The following ULK4 variants were observed in gnomAD, a reference collection of about 807,000 sequenced individuals.
ULK4 encodes the protein inactive serine/threonine-protein kinase ULK4.
ULK4 carries 133 observed loss-of-function variants against 160.6 expected under a neutral mutation model. That is an observed-to-expected ratio of 0.83 (90% CI 0.72 to 0.96). The LOEUF (loss-of-function observed/expected upper bound fraction) is 0.96. ULK4 is among the 40% of genes least tolerant of loss of function. The pLI is 0.00. For missense variants in ULK4, 1,580 were observed against 1,499.5 expected (o/e 1.05, Z -0.89); for synonymous variants, 534 against 539.8 (o/e 0.99, Z 0.15).
chr3:41,896,798 A>G (rs769294894), intron 15 of ULK4, 24 bp downstream of exon 15: 5 of 1,593,182 alleles, frequency 3.1e-6, no homozygotes, highest in Non-Finnish European at 4.3e-6. Flanking sequence ...ATTAAAATGC[A>G]TAAGGCATGT....
chr3:41,741,961 C>A (rs867655943), intron 22 of ULK4, among the ~76,000 whole-genome samples: 2 of 151,766 alleles, frequency 1.3e-5, no homozygotes, highest in Non-Finnish European at 2.9e-5. Flanking sequence ...AGAACTGTCC[C>A]CCCAAAAAAG....
chr3:41,297,018 A>G (rs1387909560), intron 35 of ULK4, among the ~76,000 whole-genome samples: 1 of 152,214 alleles, frequency 6.6e-6, no homozygotes, highest in African/African-American at 2.4e-5. Context: ...GCAGGAGCTC[A>G]TCACACTTTC....
At chr3:41,325,919 A>AAAAT (rs1002122345) in intron 35 of ULK4, among the ~76,000 whole-genome samples, 9 of 152,062 alleles carry the variant, frequency 5.9e-5, no homozygotes, top group Non-Finnish European at 7.4e-5. Context: ...ACTCCATCTC[A>AAAAT]AAATAAATAA....
intron 22 of ULK4, among the ~76,000 whole-genome samples, chr3:41,737,172 G>C (rs1364981631): frequency 6.6e-6 from 1 of 151,830 alleles, no homozygotes; most frequent in Non-Finnish European, 1.5e-5. Flanking sequence ...AAAGTCTCAG[G>C]ATACAAAATC....
intron 35 of ULK4, among the ~76,000 whole-genome samples, chr3:41,332,042 G>A (rs1481041251): frequency 6.6e-6 from 1 of 152,020 alleles, no homozygotes; most frequent in Non-Finnish European, 1.5e-5. Context: ...AAATTGTATA[G>A]GCTGTAGAAA....
At chr3:41,252,218 A>G (rs919878082) in intron 35 of ULK4, among the ~76,000 whole-genome samples, 3 of 152,232 alleles carry the variant, frequency 2.0e-5, no homozygotes, top group Non-Finnish European at 2.9e-5. Context: ...AATATTTTTA[A>G]TGACCAGGAT....
chr3:41,486,511 CG>C (rs1230290242), intron 32 of ULK4, among the ~76,000 whole-genome samples: 2 of 152,058 alleles, frequency 1.3e-5, no homozygotes, highest in Non-Finnish European at 2.9e-5. Flanking sequence ...AGTTTTATCA[CG>C]AAAAGACTGA....
At chr3:41,722,521 C>A (rs1192406464) in intron 22 of ULK4, among the ~76,000 whole-genome samples, 1 of 152,074 alleles carries the variant, frequency 6.6e-6, no homozygotes, top group Non-Finnish European at 1.5e-5. Context: ...ATCCCAGCTA[C>A]CCGGGAGGCT....
intron 16 of ULK4, among the ~76,000 whole-genome samples, chr3:41,885,124 G>T (rs958101648): frequency 1.3e-5 from 2 of 152,068 alleles, no homozygotes; most frequent in Non-Finnish European, 2.9e-5. Flanking sequence ...AAAGTTCTGG[G>T]ATTACAGGCT....
chr3:41,798,529 TA>T (rs749656612), intron 20 of ULK4, among the ~76,000 whole-genome samples: 90 of 152,278 alleles, frequency 5.9e-4, no homozygotes, highest in Middle Eastern at 3.4e-3. Flanking sequence ...ATTATATAGG[TA>T]ACATAACTGA....
intron 2 of ULK4, among the ~76,000 whole-genome samples, chr3:41,952,743 CAA>C (rs1222084236): frequency 2.0e-5 from 3 of 152,148 alleles, no homozygotes; most frequent in Non-Finnish European, 4.4e-5. Flanking sequence ...AGCAAGATCT[CAA>C]AGAGATATTT....
At chr3:41,596,541 G>A (rs2031702321) in intron 31 of ULK4, among the ~76,000 whole-genome samples, 1 of 152,124 alleles carries the variant, frequency 6.6e-6, no homozygotes, top group East Asian at 1.9e-4. Context: ...AATGATAATG[G>A]CTGGGTCAAT....
chr3:41,831,951 G>C (rs1297573678), intron 18 of ULK4, among the ~76,000 whole-genome samples: 1 of 152,046 alleles, frequency 6.6e-6, no homozygotes, highest in African/African-American at 2.4e-5. Flanking sequence ...GTCTATCATT[G>C]ATGGGCATTT....
chr3:41,689,125 C>T (rs903218288), intron 27 of ULK4, among the ~76,000 whole-genome samples: 1 of 152,226 alleles, frequency 6.6e-6, no homozygotes, highest in African/African-American at 2.4e-5. Flanking sequence ...CCAATCAGGG[C>T]ACACCTGAAG....
intron 17 of ULK4, among the ~76,000 whole-genome samples, chr3:41,842,483 T>A (rs56121764): frequency 2.0e-5 from 3 of 152,186 alleles, no homozygotes; most frequent in African/African-American, 7.2e-5. Flanking sequence ...TAGGTATTTG[T>A]ATGATGGGGC....
chr3:41,791,326 C>T (rs1280577351), intron 20 of ULK4, among the ~76,000 whole-genome samples: 1 of 152,136 alleles, frequency 6.6e-6, no homozygotes, highest in East Asian at 1.9e-4. Context: ...GACAGGGTTT[C>T]ACCATGTTGG....
At chr3:41,720,850 C>T (rs2037425112) in intron 22 of ULK4, among the ~76,000 whole-genome samples, 1 of 152,010 alleles carries the variant, frequency 6.6e-6, no homozygotes, top group African/African-American at 2.4e-5. Context: ...AATTAATAAT[C>T]TAGTAATTTC....
At chr3:41,833,382 G>A (rs919180071) in intron 18 of ULK4, among the ~76,000 whole-genome samples, 9 of 150,682 alleles carry the variant, frequency 6.0e-5, no homozygotes, top group African/African-American at 1.7e-4. Context: ...TGCAAACTCC[G>A]CCTCCCGGGT....
rs138565359 is a variant in ULK4 at position 41,720,662 on chromosome 3, G to A, written c.2322-2801C>T. Among the ~76,000 whole-genome samples, 40 of 151,910 alleles carry A rather than the reference G, an allele frequency of 2.6e-4. No individual in the cohort carries two copies. The East Asian group carries it at 5.6e-3, about 21-fold the overall frequency. Reference sequence around the variant, plus strand: ...GTTCAAGAAAAAGACATTCCATTTCGCTCCTAATAAAAGAAATATACATAC... The same window carrying A: ...GTTCAAGAAAAAGACATTCCATTTCACTCCTAATAAAAGAAATATACATAC... On this transcript the variant is annotated intron_variant, in intron 22 of 36. Transcript: ENST00000301831.
Sources: allele counts gnomAD v4.1 joint callset (sites outside exome capture counted in the v4.1 genomes callset), GRCh38; gene constraint gnomAD v4.1.1; transcripts MANE v1.5; gene names NCBI Gene and HGNC (gene_info 2026-07-23, HGNC 2026-07-21).